Variants in NR6A1 observed in about 807,000 individuals in gnomAD.
The protein encoded by NR6A1 is retinoic acid receptor-related testis-associated receptor.
Under a neutral mutation model 59.1 loss-of-function variants are expected in NR6A1, and 7 were observed. The observed-to-expected ratio is 0.12, with a 90% CI of 0.07 to 0.22. The LOEUF is 0.22. Among genes scored for constraint, NR6A1 ranks in the 10% least tolerant of loss-of-function variants. The pLI is 1.00. For synonymous variants in NR6A1, 243 were observed against 236.1 expected (o/e 1.03, Z -0.27); for missense variants, 468 against 611.6 (o/e 0.77, Z 2.48).
intron 2 of NR6A1, chr9:124,692,377 G>A (rs1838579836): frequency 1.4e-5 from 6 of 438,492 alleles, no homozygotes; most frequent in Non-Finnish European, 2.5e-5. Flanking sequence ...AGAGAGGAAT[G>A]TAAGAGCATC....
At chr9:124,616,150 C>A (rs1835883340) in intron 2 of NR6A1, among the ~76,000 whole-genome samples, 2 of 151,916 alleles carry the variant, frequency 1.3e-5, no homozygotes. Flanking sequence ...GTAATCCCAG[C>A]ACTTTGGGAG....
chr9:124,588,953 A>G (rs558408514), intron 2 of NR6A1, among the ~76,000 whole-genome samples: 1 of 150,876 alleles, frequency 6.6e-6, no homozygotes, highest in East Asian at 2.0e-4. Flanking sequence ...AAAAAACAGT[A>G]TAATGTGATG....
intron 6 of NR6A1, among the ~76,000 whole-genome samples, 163 bp from the exon 7 acceptor site, chr9:124,536,295 G>C (rs181795623): frequency 2.0e-5 from 3 of 152,290 alleles, no homozygotes; most frequent in East Asian, 1.9e-4. Flanking sequence ...TCTGATAAAG[G>C]GGGAAGGCTG....
chr9:124,608,125 T>A (rs573768897), intron 2 of NR6A1, among the ~76,000 whole-genome samples: 26 of 152,226 alleles, frequency 1.7e-4, no homozygotes, highest in Non-Finnish European at 3.1e-4. Flanking sequence ...AAACAAAATT[T>A]AAAAAAGAAA....
chr9:124,639,219 G>A (rs907343762), intron 2 of NR6A1, among the ~76,000 whole-genome samples: 1 of 152,134 alleles, frequency 6.6e-6, no homozygotes, highest in African/African-American at 2.4e-5. Flanking sequence ...GTGGAGCTAA[G>A]GATTTAAATC....
At chr9:124,741,359 G>A (rs1486298148) in intron 1 of NR6A1, among the ~76,000 whole-genome samples, 1 of 152,224 alleles carries the variant, frequency 6.6e-6, no homozygotes, top group Non-Finnish European at 1.5e-5. Context: ...TGTGTCAGCT[G>A]TTATAAGAAT....
At chr9:124,695,346 A>G (rs1838714093) in intron 2 of NR6A1, among the ~76,000 whole-genome samples, 1 of 152,188 alleles carries the variant, frequency 6.6e-6, no homozygotes, top group South Asian at 2.1e-4. Context: ...CAAAGAAATT[A>G]CCAAAAGGTT....
chr9:124,643,740 G>A lies in NR6A1; in HGVS notation c.143-89170C>T, dbSNP rs1223635425. ...CTGCACCCTGGCCTGGGCAAAGAGT[G>A]AGATCCCATCTCAAAAAAACAAAAA... On this transcript the variant is annotated intron_variant, in intron 2 of 9. Transcript: ENST00000487099. Among the ~76,000 whole-genome samples, 3 of 140,856 alleles carry A rather than the reference G, an allele frequency of 2.1e-5. No individual in the cohort carries two copies. The East Asian group carries it at 6.1e-4, about 29-fold the overall frequency. The allele number at this position is 140,856 out of a possible 152,430, so 92.4% of individuals were successfully genotyped here. A position where few individuals can be genotyped will look rare whatever the true frequency, so the allele number is the denominator to read the frequency against.
intron 2 of NR6A1, among the ~76,000 whole-genome samples, chr9:124,651,883 A>G (rs899657892): frequency 2.2e-4 from 33 of 152,312 alleles, no homozygotes; most frequent in African/African-American, 7.5e-4. Flanking sequence ...CCTCTTCCCA[A>G]GTAGACATTG....
intron 2 of NR6A1, among the ~76,000 whole-genome samples, chr9:124,610,825 T>C (rs770125598): frequency 8.5e-5 from 13 of 152,338 alleles, no homozygotes; most frequent in Non-Finnish European, 1.6e-4. Flanking sequence ...TGGCTCATTC[T>C]TGGGAGGGTG....
chr9:124,627,895 T>C (rs533471547), intron 2 of NR6A1, among the ~76,000 whole-genome samples: 3,912 of 148,552 alleles, frequency 0.026, 181 homozygotes, highest in East Asian at 0.096. Flanking sequence ...TTTTTTTTTT[T>C]TTTTTTTTTT....
chr9:124,649,764 A>T (rs1837045134), intron 2 of NR6A1, among the ~76,000 whole-genome samples: 1 of 152,220 alleles, frequency 6.6e-6, no homozygotes, highest in South Asian at 2.1e-4. Context: ...AGCTCCAAAT[A>T]ATCCAATTTT....
intron 2 of NR6A1, among the ~76,000 whole-genome samples, chr9:124,560,406 CCTT>C (rs1431012481): frequency 6.6e-6 from 1 of 152,128 alleles, no homozygotes; most frequent in African/African-American, 2.4e-5. Context: ...TCTTCCATCT[CCTT>C]CTTGTCTACA....
chr9:124,648,868 A>C (rs918145074), intron 2 of NR6A1, among the ~76,000 whole-genome samples: 2 of 152,252 alleles, frequency 1.3e-5, no homozygotes, highest in African/African-American at 4.8e-5. Flanking sequence ...AAAAAATAAA[A>C]AATAAAATAC....
At chr9:124,649,041 A>T (rs1837019109) in intron 2 of NR6A1, among the ~76,000 whole-genome samples, 1 of 152,042 alleles carries the variant, frequency 6.6e-6, no homozygotes, top group Admixed American at 6.6e-5. Context: ...ATCTACAGAT[A>T]AAATGCAATT....
chr9:124,707,379 A>T (rs1450718802), intron 2 of NR6A1, among the ~76,000 whole-genome samples: 2 of 152,074 alleles, frequency 1.3e-5, no homozygotes, highest in Non-Finnish European at 1.5e-5. Flanking sequence ...TATGTACTAG[A>T]TCACTGTCAT....
At chr9:124,759,687 T>C (rs1840734475) in intron 1 of NR6A1, among the ~76,000 whole-genome samples, 1 of 152,190 alleles carries the variant, frequency 6.6e-6, no homozygotes, top group Non-Finnish European at 1.5e-5. Context: ...TAGCACCCCT[T>C]GGGTTCACCG....
At chr9:124,612,707 A>T (rs1835784141) in intron 2 of NR6A1, among the ~76,000 whole-genome samples, 1 of 152,138 alleles carries the variant, frequency 6.6e-6, no homozygotes, top group African/African-American at 2.4e-5. Flanking sequence ...AATTTCAGTT[A>T]CAACTCTTGT....
chr9:124,538,446 G>T, intron 5 of NR6A1, 127 bp from the exon 6 acceptor site: 1 of 656,218 alleles, frequency 1.5e-6, no homozygotes, highest in Non-Finnish European at 2.6e-6. Flanking sequence ...AAGCCAGGGG[G>T]CATAATTAAT....
Sources: gnomAD v4.1 joint callset for allele counts (sites outside exome capture counted in the v4.1 genomes callset) on GRCh38, gnomAD v4.1.1 for gene constraint, MANE v1.5 for transcripts, NCBI Gene and HGNC (gene_info 2026-07-23, HGNC 2026-07-21) for gene names.